The following CCDC3 variants were observed in gnomAD, a reference collection of about 807,000 sequenced individuals.
CCDC3 encodes coiled-coil domain-containing protein 3.
A neutral mutation model predicts 21.4 loss-of-function variants in CCDC3; 24 were observed. The ratio of observed to expected loss-of-function variants is 1.12; its 90% CI spans 0.81 to 1.58. CCDC3 has a LOEUF of 1.58. CCDC3 is among the 40% of genes most tolerant of loss of function. CCDC3 has a pLI of 0.00. For missense variants in CCDC3, 425 were observed against 360.9 expected (o/e 1.18, Z -1.44); for synonymous variants, 186 against 166.0 (o/e 1.12, Z -0.93).
At chr10:13,054,014 GCA>G (rs1224922220) in intron 4 of CCDC3, among the ~76,000 whole-genome samples, 1 of 152,024 alleles carries the variant, frequency 6.6e-6, no homozygotes, top group Non-Finnish European at 1.5e-5. Flanking sequence ...GCATGGTGGT[GCA>G]TGCCTGTAAT....
chr10:12,914,505 G>T (rs1291250635), intron 2 of CCDC3, among the ~76,000 whole-genome samples: 1 of 152,022 alleles, frequency 6.6e-6, no homozygotes, highest in Non-Finnish European at 1.5e-5. Flanking sequence ...AAGTGCAGTG[G>T]CGTGTCCTTG....
At chr10:12,973,629 T>C (rs909164197) in intron 2 of CCDC3, among the ~76,000 whole-genome samples, 16 of 152,322 alleles carry the variant, frequency 1.1e-4, no homozygotes, top group African/African-American at 3.4e-4. Flanking sequence ...TCAGTTTCCT[T>C]TTACTCACTG....
chr10:13,036,671 GA>G (rs1836381941), intron 5 of CCDC3, among the ~76,000 whole-genome samples: 1 of 151,996 alleles, frequency 6.6e-6, no homozygotes, highest in African/African-American at 2.4e-5. Context: ...TTTTAGTAGA[GA>G]TGGGGTTTCA....
intron 3 of CCDC3, among the ~76,000 whole-genome samples, chr10:13,096,108 TTCCTTCCTTCCTTCCC>T (rs1406011748): frequency 2.0e-5 from 3 of 148,134 alleles, no homozygotes; most frequent in Non-Finnish European, 3.0e-5. Flanking sequence ...TTTCTTTTCC[TTCCTTCCTTCCTTCCC>T]TCCTTCCTTT....
At chr10:12,933,556 C>T (rs12767692) in intron 2 of CCDC3, among the ~76,000 whole-genome samples, 14,493 of 150,864 alleles carry the variant, frequency 0.096, 731 homozygotes, top group African/African-American at 0.13. Flanking sequence ...CTTCTGGGTT[C>T]AAGAGAGTCT....
At chr10:13,091,899 A>G (rs1427942884) in intron 3 of CCDC3, among the ~76,000 whole-genome samples, 1 of 152,098 alleles carries the variant, frequency 6.6e-6, no homozygotes, top group Non-Finnish European at 1.5e-5. Context: ...TTATTGCAGA[A>G]TTAGAAATAA....
intron 4 of CCDC3, among the ~76,000 whole-genome samples, chr10:13,067,824 G>A (rs1338181547): frequency 6.6e-6 from 1 of 152,170 alleles, no homozygotes; most frequent in Non-Finnish European, 1.5e-5. Context: ...CGGCTAGTTG[G>A]GTAATAAGGC....
At chr10:12,953,209 G>A (rs1180938702) in intron 2 of CCDC3, among the ~76,000 whole-genome samples, 2 of 152,300 alleles carry the variant, frequency 1.3e-5, no homozygotes, top group East Asian at 1.9e-4. Context: ...AAGAGCTTGT[G>A]CAGGGAAACT....
intron 3 of CCDC3, among the ~76,000 whole-genome samples, chr10:13,081,617 T>C (rs1322204217): frequency 6.6e-6 from 1 of 152,216 alleles, no homozygotes; most frequent in Non-Finnish European, 1.5e-5. Context: ...CTCCATCTTA[T>C]TAAGGTAACT....
At chr10:12,943,768 G>T (rs551122580) in intron 2 of CCDC3, among the ~76,000 whole-genome samples, 3 of 152,136 alleles carry the variant, frequency 2.0e-5, no homozygotes, top group Non-Finnish European at 4.4e-5. Flanking sequence ...TGTGCATTTC[G>T]CCACAGATGA....
chr10:13,021,760 T>G (rs1479987173), intron 5 of CCDC3, among the ~76,000 whole-genome samples: 1 of 151,948 alleles, frequency 6.6e-6, no homozygotes, highest in Non-Finnish European at 1.5e-5. Context: ...TTTTTGTTTT[T>G]TTGTTTGTTT....
At chr10:12,913,736 T>C (rs774777214) in intron 2 of CCDC3, among the ~76,000 whole-genome samples, 1 of 152,266 alleles carries the variant, frequency 6.6e-6, no homozygotes, top group Non-Finnish European at 1.5e-5. Context: ...GTGGCCTTTA[T>C]TGTGTTGAGA....
At chr10:12,953,212 G>A (rs2131250087) in intron 2 of CCDC3, among the ~76,000 whole-genome samples, 1 of 152,268 alleles carries the variant, frequency 6.6e-6, no homozygotes, top group South Asian at 2.1e-4. Flanking sequence ...AGCTTGTGCA[G>A]GGAAACTCCC....
At chr10:12,990,491 T>G (rs1221993911) in intron 2 of CCDC3, among the ~76,000 whole-genome samples, 3 of 152,184 alleles carry the variant, frequency 2.0e-5, no homozygotes, top group Non-Finnish European at 2.9e-5. Flanking sequence ...GCCAAATATA[T>G]TTATTCAGAT....
intron 1 of CCDC3, 99 bp downstream of exon 1, chr10:13,001,098 C>G: frequency 2.8e-6 from 4 of 1,432,390 alleles, no homozygotes; most frequent in South Asian, 1.4e-5. Context: ...TTGACACCGA[C>G]AGGCTGCCCG....
At chr10:13,088,820 C>T (rs929895563) in intron 3 of CCDC3, among the ~76,000 whole-genome samples, 1 of 152,072 alleles carries the variant, frequency 6.6e-6, no homozygotes, top group Non-Finnish European at 1.5e-5. Context: ...GTCAGGAGTT[C>T]GAGACCAGCC....
intron 4 of CCDC3, among the ~76,000 whole-genome samples, chr10:13,071,292 C>T (rs958082851): frequency 3.0e-5 from 4 of 132,720 alleles, no homozygotes; most frequent in Non-Finnish European, 4.9e-5. Flanking sequence ...AAGGAGTCCA[C>T]GCAACCCCCC....
At chr10:13,075,752 C>T (rs1362199393) in intron 3 of CCDC3, among the ~76,000 whole-genome samples, 4 of 151,888 alleles carry the variant, frequency 2.6e-5, no homozygotes, top group African/African-American at 2.4e-5. Context: ...TTTTATGTAT[C>T]GATGTGGGTA....
chr10:13,064,455 T>A (rs1836800124), intron 4 of CCDC3, among the ~76,000 whole-genome samples: 1 of 152,172 alleles, frequency 6.6e-6, no homozygotes, highest in African/African-American at 2.4e-5. Flanking sequence ...TTGCCAAGCT[T>A]GAGGACATGT....
Sources: allele counts gnomAD v4.1 joint callset (sites outside exome capture counted in the v4.1 genomes callset), GRCh38; gene constraint gnomAD v4.1.1; transcripts MANE v1.5; gene names NCBI Gene and HGNC (gene_info 2026-07-23, HGNC 2026-07-21).